Variants in WWOX observed in about 807,000 individuals in gnomAD.
WWOX encodes WW domain containing oxidoreductase.
In WWOX, 69 loss-of-function variants were observed where a neutral mutation model predicts 46.2. That is an observed-to-expected ratio of 1.49 (90% confidence interval 1.23 to 1.82). The LOEUF (loss-of-function observed/expected upper bound fraction) is 1.82, where lower values mean the gene tolerates loss of function less well. Among genes scored for constraint, WWOX ranks in the 40% most tolerant of loss-of-function variants. The pLI is 0.00. For missense variants in WWOX, 919 were observed against 542.6 expected (o/e 1.69, Z -6.89); for synonymous variants, 359 against 202.6 (o/e 1.77, Z -6.56).
rs1288058615 is a variant in WWOX at position 78,634,974 on chromosome 16, T to G, written c.1056+202222T>G. 3.9e-5 allele frequency among the ~76,000 whole-genome samples: 6 copies of G among 152,080 alleles called. No individual in the cohort carries two copies. In the South Asian group the frequency reaches 6.2e-4, roughly 16 times the overall value. On this transcript the variant is annotated intron_variant, in intron 8 of 8. Coordinates refer to ENST00000566780, the MANE Select transcript of WWOX (RefSeq NM_016373.4). Reference sequence around the variant, plus strand: ...AGGGTCCAGAGCAGTAAAGAGCCTGTAAATAAATTCATACCAGCTTCAGCC... The same window carrying G: ...AGGGTCCAGAGCAGTAAAGAGCCTGGAAATAAATTCATACCAGCTTCAGCC...
At chr16:78,756,324 C>A (rs113976285) in intron 8 of WWOX, among the ~76,000 whole-genome samples, 5,431 of 150,852 alleles carry the variant, frequency 0.036, 283 homozygotes, top group African/African-American at 0.12. Context: ...TTGAAACAAA[C>A]AAAAAAAAAT....
chr16:78,677,034 G>C (rs548917975), intron 8 of WWOX, among the ~76,000 whole-genome samples: 1 of 150,460 alleles, frequency 6.6e-6, no homozygotes, highest in African/African-American at 2.4e-5. Context: ...AACAAAAGCA[G>C]TTTTTATGAA....
At chr16:78,713,684 A>C (rs1281587819) in intron 8 of WWOX, among the ~76,000 whole-genome samples, 3 of 152,194 alleles carry the variant, frequency 2.0e-5, no homozygotes, top group Non-Finnish European at 4.4e-5. Flanking sequence ...TCTGCAAGCC[A>C]AGGCAAGGGG....
At chr16:78,950,211 AT>A (rs2046030718) in intron 8 of WWOX, among the ~76,000 whole-genome samples, 1 of 152,080 alleles carries the variant, frequency 6.6e-6, no homozygotes, top group Admixed American at 6.6e-5. Flanking sequence ...CTTTTCCAAT[AT>A]TCCCTCCTAA....
intron 8 of WWOX, among the ~76,000 whole-genome samples, chr16:78,932,028 G>T (rs539443235): frequency 6.6e-6 from 1 of 152,198 alleles, no homozygotes; most frequent in African/African-American, 2.4e-5. Flanking sequence ...GCCTTCTGCC[G>T]TGATTGTGAG....
At chr16:78,679,204 C>T (rs968275962) in intron 8 of WWOX, among the ~76,000 whole-genome samples, 2 of 152,066 alleles carry the variant, frequency 1.3e-5, no homozygotes, top group South Asian at 2.1e-4. Context: ...TACAGGTGCC[C>T]GAGATCCTAG....
intron 4 of WWOX, among the ~76,000 whole-genome samples, chr16:78,157,958 A>T (rs1184059457): frequency 6.6e-6 from 1 of 152,222 alleles, no homozygotes; most frequent in Non-Finnish European, 1.5e-5. Flanking sequence ...TAGGCTCTCA[A>T]TATATGTTTA....
rs543585739 is a variant in WWOX, at chr16:78,541,469, G to A, written c.1056+108717G>A. ...AGCCTGGGCGACAGAGCGAGACTCC[G>A]TCTCAAAAAAAAAAAAAAAAAAAAA... On this transcript the variant is annotated intron_variant, in intron 8 of 8. Transcript: ENST00000566780. Among the ~76,000 whole-genome samples, 310 of 69,666 alleles carry A rather than the reference G, an allele frequency of 4.4e-3. 1 individual carries two copies. The highest frequency in any genetic ancestry group is 0.043 in the South Asian group (60 of 1,398). The allele number at this position is 69,666 out of a possible 152,430, so 45.7% of individuals were successfully genotyped here.
intron 8 of WWOX, among the ~76,000 whole-genome samples, chr16:79,140,582 C>T (rs1013730335): frequency 4.6e-5 from 7 of 152,146 alleles, no homozygotes; most frequent in Non-Finnish European, 1.0e-4. Flanking sequence ...CAGCATTGAC[C>T]GCATGAAGGG....
intron 5 of WWOX, among the ~76,000 whole-genome samples, chr16:78,256,882 T>C (rs1597408870): frequency 6.6e-6 from 1 of 151,794 alleles, no homozygotes; most frequent in Non-Finnish European, 1.5e-5. Flanking sequence ...ACCAACTGAG[T>C]TGTTCAGTGT....
intron 8 of WWOX, among the ~76,000 whole-genome samples, chr16:78,904,069 G>C (rs1043098228): frequency 6.6e-6 from 1 of 151,992 alleles, no homozygotes; most frequent in Non-Finnish European, 1.5e-5. Flanking sequence ...GGAACACCAC[G>C]TACAAAAGGG....
chr16:79,039,180 G>A (rs191603046), intron 8 of WWOX, among the ~76,000 whole-genome samples: 17 of 152,182 alleles, frequency 1.1e-4, no homozygotes, highest in Admixed American at 7.8e-4. Flanking sequence ...CTCATGTTAC[G>A]GTTTTGAACC....
At chr16:78,152,565 G>A (rs1440505577) in intron 4 of WWOX, among the ~76,000 whole-genome samples, 1 of 152,082 alleles carries the variant, frequency 6.6e-6, no homozygotes, top group Non-Finnish European at 1.5e-5. Flanking sequence ...CAGGACTGCC[G>A]CTCAATGTAG....
At chr16:79,119,529 A>C (rs1258971238) in intron 8 of WWOX, among the ~76,000 whole-genome samples, 1 of 152,224 alleles carries the variant, frequency 6.6e-6, no homozygotes, top group East Asian at 1.9e-4. Context: ...AGTGACGTTC[A>C]TATGATGTTT....
intron 8 of WWOX, among the ~76,000 whole-genome samples, chr16:78,921,442 C>T (rs183983326): frequency 6.6e-6 from 1 of 152,138 alleles, no homozygotes; most frequent in Admixed American, 6.5e-5. Context: ...ATTTGAGCTG[C>T]AAAATCATAG....
At chr16:78,230,378 A>G (rs968834160) in intron 5 of WWOX, among the ~76,000 whole-genome samples, 5 of 152,322 alleles carry the variant, frequency 3.3e-5, no homozygotes, top group Admixed American at 2.0e-4. Context: ...GACAGGTAAC[A>G]TGATGTACAC....
At chr16:78,390,678 C>G (rs944728638) in intron 6 of WWOX, among the ~76,000 whole-genome samples, 59 of 152,320 alleles carry the variant, frequency 3.9e-4, no homozygotes, top group African/African-American at 1.3e-3. Context: ...TCTTTCGATT[C>G]TGACAACTGT....
intron 8 of WWOX, among the ~76,000 whole-genome samples, chr16:79,198,245 G>T (rs980700377): frequency 2.6e-5 from 4 of 152,172 alleles, no homozygotes; most frequent in Non-Finnish European, 5.9e-5. Flanking sequence ...GGCTGAGGCA[G>T]GAGAATCGCT....
chr16:78,553,674 A>G (rs536931215), intron 8 of WWOX, among the ~76,000 whole-genome samples: 2 of 152,244 alleles, frequency 1.3e-5, no homozygotes, highest in African/African-American at 4.8e-5. Flanking sequence ...ACACGGCTCA[A>G]AGTTGACCAT....
Sources: allele counts gnomAD v4.1 joint callset (sites outside exome capture counted in the v4.1 genomes callset), GRCh38; gene constraint gnomAD v4.1.1; transcripts MANE v1.5; gene names NCBI Gene and HGNC (gene_info 2026-07-23, HGNC 2026-07-21).